Variants in CDC42SE2 observed in about 807,000 individuals in gnomAD.
The protein encoded by CDC42SE2 is CDC42 small effector 2.
In CDC42SE2, 3 loss-of-function variants were observed where a neutral mutation model predicts 11.5. That is an observed-to-expected ratio of 0.26 (90% confidence interval 0.12 to 0.67). The LOEUF (loss-of-function observed/expected upper bound fraction) is 0.67. Ranked by LOEUF, CDC42SE2 falls within the 30% of genes least tolerant of loss-of-function variation. The probability of loss-of-function intolerance (pLI) is 0.80; values close to 1 mark genes in which losing one functional copy is unlikely to be tolerated. For missense variants in CDC42SE2, 82 were observed against 106.8 expected (o/e 0.77, Z 1.02); for synonymous variants, 33 against 34.8 (o/e 0.95, Z 0.18).
At chr5:131,254,083 G>C (rs1756661151) in intron 1 of CDC42SE2, among the ~76,000 whole-genome samples, 3 of 152,054 alleles carry the variant, frequency 2.0e-5, no homozygotes, top group Admixed American at 6.6e-5. Context: ...TGTGCACAAC[G>C]TGCGGGTTTG....
intron 1 of CDC42SE2, among the ~76,000 whole-genome samples, chr5:131,291,802 T>C (rs1757462815): frequency 2.0e-5 from 3 of 152,206 alleles, no homozygotes; most frequent in African/African-American, 7.2e-5. Flanking sequence ...CATCAGCCTT[T>C]CTGATGGTTT....
the CDC42SE2 span, among the ~76,000 whole-genome samples, chr5:131,234,089 C>T: frequency 3.3e-5 from 5 of 152,198 alleles, no homozygotes; most frequent in Admixed American, 2.0e-4. Context: ...AATGAAATGA[C>T]GAAGTTTATT....
In CDC42SE2 at chr5:131,287,399, A is replaced by G. The variant is rs140420723; in HGVS notation, c.-455+23233A>G. ...TTTTAATCTGAACCATTGATGTTCT[A>G]TTTTCATAATGTGTCAGTTGTAGTG... is the stretch of plus-strand genomic sequence containing the variant. On this transcript the variant is annotated intron_variant, in intron 1 of 4. Coordinates refer to ENST00000505065, the MANE Select transcript of CDC42SE2 (RefSeq NM_001375635.1). Among the ~76,000 whole-genome samples, 590 of 151,540 alleles carry G rather than the reference A, an allele frequency of 3.9e-3. 5 individuals carry two copies. The highest frequency in any genetic ancestry group is 0.014 in the African/African-American group (570 of 41,330).
intron 3 of CDC42SE2, among the ~76,000 whole-genome samples, chr5:131,362,304 T>C (rs1237279149): frequency 6.6e-6 from 1 of 152,204 alleles, no homozygotes; most frequent in Non-Finnish European, 1.5e-5. Context: ...ATTTCTTACC[T>C]TTTTGATTCC....
At chr5:131,263,379 T>G (rs1310088569), upstream of CDC42SE2, among the ~76,000 whole-genome samples, 2 of 152,126 alleles carry the variant, frequency 1.3e-5, no homozygotes, top group African/African-American at 2.4e-5. Context: ...GGCATTTTGG[T>G]GGACTGCTGG....
At chr5:131,276,459 A>G (rs1178858844) in intron 1 of CDC42SE2, among the ~76,000 whole-genome samples, 1 of 152,070 alleles carries the variant, frequency 6.6e-6, no homozygotes, top group Non-Finnish European at 1.5e-5. Flanking sequence ...AAAAAAAAAA[A>G]AAATCTTTTA....
chr5:131,214,236 G>A, the CDC42SE2 span, among the ~76,000 whole-genome samples: 2 of 152,156 alleles, frequency 1.3e-5, no homozygotes, highest in Non-Finnish European at 2.9e-5. Context: ...AGATCAGTGT[G>A]GTGACATGTG....
Position 131,391,260 on chromosome 5 carries a change from T to C in CDC42SE2, c.*169T>C. 1 of 279,610 alleles carries C rather than the reference T, an allele frequency of 3.6e-6. No individual in the cohort carries two copies. Among genetic ancestry groups the C allele is most frequent in the Non-Finnish European group, 6.5e-6 (1 of 152,740 alleles). 17.3% of individuals were successfully genotyped at this position (279,610 alleles called of 1,614,324 possible). A position where few individuals can be genotyped will look rare whatever the true frequency, so the allele number is the denominator to read the frequency against. On this transcript the variant is annotated 3_prime_UTR_variant, in exon 5 of 5. Transcript: ENST00000505065. ...AAGTGTAGTTTCTGCACTTGGAATG[T>C]AAGTTTTAGGTTCTTTTCCTTATTA...
the CDC42SE2 span, among the ~76,000 whole-genome samples, chr5:131,240,403 G>A: frequency 1.3e-5 from 2 of 152,118 alleles, no homozygotes; most frequent in African/African-American, 4.8e-5. Flanking sequence ...TCAGAAAAGT[G>A]CATTTATAAT....
chr5:131,357,736 A>G (rs1025061343), intron 2 of CDC42SE2, among the ~76,000 whole-genome samples: 1 of 152,138 alleles, frequency 6.6e-6, no homozygotes, highest in East Asian at 1.9e-4. Context: ...CTACCACTCT[A>G]CTTTTTAAAC....
At chr5:131,216,523 C>CAAAAA in the CDC42SE2 span, among the ~76,000 whole-genome samples, 2 of 107,598 alleles carry the variant, frequency 1.9e-5, no homozygotes, top group African/African-American at 1.0e-4. Flanking sequence ...AAAAAAAAAA[C>CAAAAA]ATTATAGACT....
chr5:131,217,677 C>T, the CDC42SE2 span, among the ~76,000 whole-genome samples: 1 of 152,086 alleles, frequency 6.6e-6, no homozygotes, highest in African/African-American at 2.4e-5. Context: ...GAGTTCCCAT[C>T]TATGACACAA....
chr5:131,263,605 C>T (rs1404259156), upstream of CDC42SE2: 2 of 152,240 alleles, frequency 1.3e-5, no homozygotes, highest in African/African-American at 4.8e-5. Context: ...TGAGAGACCC[C>T]TCATCCCACA....
chr5:131,334,071 A>G (rs6874969), intron 2 of CDC42SE2, among the ~76,000 whole-genome samples: 64,564 of 151,038 alleles, frequency 0.43, 17,689 homozygotes, highest in African/African-American at 0.78. Context: ...TCCAGTTTTT[A>G]TCCATTCAGT....
chr5:131,344,941 C>G (rs1473829337), intron 2 of CDC42SE2, among the ~76,000 whole-genome samples: 1 of 152,204 alleles, frequency 6.6e-6, no homozygotes, highest in Non-Finnish European at 1.5e-5. Context: ...AGGGTCCTGA[C>G]TGTTAGAAGG....
Position 131,383,448 on chromosome 5 carries a change from TAAAG to T in CDC42SE2, c.55-2091_55-2088del, listed in dbSNP as rs746518746. On this transcript the variant is annotated intron_variant, in intron 3 of 4. Coordinates refer to ENST00000505065, the MANE Select transcript of CDC42SE2 (RefSeq NM_001375635.1). ...TGAAGTAAAACTAAAGTTGTTCAAA[TAAAG>T]AAATGAGAGTTCTTTGTTCCCTAGT... is the stretch of plus-strand genomic sequence containing the variant. 8.5e-5 allele frequency among the ~76,000 whole-genome samples: 13 copies of T among 152,186 alleles called. No individual in the cohort carries two copies. The East Asian group carries it at 9.6e-4, about 11-fold the overall frequency.
At chr5:131,347,943 A>G (rs1470396833) in intron 2 of CDC42SE2, among the ~76,000 whole-genome samples, 3 of 152,230 alleles carry the variant, frequency 2.0e-5, no homozygotes, top group Admixed American at 1.3e-4. Flanking sequence ...ACAAAATTCA[A>G]CAACGCTTCA....
At chr5:131,277,441 C>A (rs1757126622) in intron 1 of CDC42SE2, among the ~76,000 whole-genome samples, 1 of 152,188 alleles carries the variant, frequency 6.6e-6, no homozygotes, top group African/African-American at 2.4e-5. Context: ...GACATTATGC[C>A]TTCATTTATT....
At chr5:131,380,276 C>T (rs745991472) in intron 3 of CDC42SE2, among the ~76,000 whole-genome samples, 12 of 151,764 alleles carry the variant, frequency 7.9e-5, no homozygotes, top group Non-Finnish European at 1.5e-4. Context: ...CCCACTCTTC[C>T]AGAGCCCCAA....
Sources: gnomAD v4.1 joint callset for allele counts (sites outside exome capture counted in the v4.1 genomes callset) on GRCh38, gnomAD v4.1.1 for gene constraint, MANE v1.5 for transcripts, NCBI Gene and HGNC (gene_info 2026-07-23, HGNC 2026-07-21) for gene names.